The following ACTN2 variants were observed in gnomAD, a reference collection of about 807,000 sequenced individuals.
ACTN2 encodes actinin alpha 2.
In ACTN2, 39 loss-of-function variants were observed where a neutral mutation model predicts 113.8. The ratio of observed to expected loss-of-function variants is 0.34; its 90% confidence interval spans 0.27 to 0.45. ACTN2 has a LOEUF of 0.45. ACTN2 is among the 20% of genes least tolerant of loss of function. ACTN2 has a pLI of 1.00. For synonymous variants in ACTN2, 429 were observed against 444.1 expected (o/e 0.97, Z 0.43); for missense variants, 992 against 1,177.9 (o/e 0.84, Z 2.31).
chr1:236,707,553 G>A (rs1657863480), intron 1 of ACTN2, among the ~76,000 whole-genome samples: 3 of 152,058 alleles, frequency 2.0e-5, no homozygotes, highest in South Asian at 2.1e-4. Flanking sequence ...TGGAATTGCC[G>A]TCGCTGATTG....
chr1:236,748,792 C>T (rs1659308918), intron 13 of ACTN2, among the ~76,000 whole-genome samples: 1 of 152,182 alleles, frequency 6.6e-6, no homozygotes, highest in Non-Finnish European at 1.5e-5. Flanking sequence ...ATCAGGTCCT[C>T]TTATAAAGTC....
At position 236,759,746 on chromosome 1, in the gene ACTN2, A is replaced by G. The variant is rs147616930; in HGVS notation, c.2324A>G (p.His775Arg). The G allele has an allele frequency of 6.2e-7, 1 of 1,614,140 alleles. No individual in the cohort carries two copies. The highest frequency in any genetic ancestry group is 8.5e-7 in the Non-Finnish European group (1 of 1,179,980). Residue 775 changes from histidine (H) to arginine (R), a missense_variant, in exon 19 of 21, where the codon CAT (histidine) becomes CGT (arginine). Around this residue, in one of 3 missense-constraint regions of ACTN2, gnomAD observed 736 missense variants for 815.4 expected, o/e 0.90. Transcript: ENST00000366578. ...FDRRKNGLMD[H>R]EDFRACLISM... ...CAGAGGAAGAATGGCCTGATGGATC[A>G]TGAGGATTTCAGAGCCTGCCTGATT...
intron 12 of ACTN2, among the ~76,000 whole-genome samples, chr1:236,746,455 C>T (rs1659241431): frequency 6.6e-6 from 1 of 152,028 alleles, no homozygotes; most frequent in South Asian, 2.1e-4. Context: ...TACCTGTAAT[C>T]CTTGTACTTT....
chr1:236,725,251 T>C (rs1366038474), intron 4 of ACTN2, among the ~76,000 whole-genome samples: 3 of 152,164 alleles, frequency 2.0e-5, no homozygotes, highest in Non-Finnish European at 4.4e-5. Flanking sequence ...CAGCCTCCTT[T>C]TCAAATTGGA....
intron 1 of ACTN2, among the ~76,000 whole-genome samples, chr1:236,692,873 C>T (rs970535033): frequency 6.6e-6 from 1 of 152,074 alleles, no homozygotes; most frequent in African/African-American, 2.4e-5. Flanking sequence ...CAGAAAGCAC[C>T]GCAGTCGGTT....
rs1357678813 is a variant in ACTN2 at position 236,755,026 on chromosome 1, C to T, written c.1982C>T (p.Ala661Val). The T allele has an allele frequency of 6.2e-7, 1 of 1,614,056 alleles. No individual in the cohort carries two copies. The highest frequency in any genetic ancestry group is 1.3e-5 in the African/African-American group (1 of 74,930). ...PWIQNKMEEI[A>V]RSSIQITGAL... is the part of the protein sequence containing the mutation. ...CTCACTCGCCCCCCTCAGGAGATTG[C>T]CCGGAGCTCCATCCAGATCACAGGA... The change falls in exon 17 of 21, where the codon GCC becomes GTC. Residue 661 changes from alanine to valine, a missense_variant. By Grantham distance (64) the Ala-to-Val change is moderately conservative (BLOSUM62 0). Transcript: ENST00000366578.
intron 8 of ACTN2, 39 bp downstream of exon 8, chr1:236,735,759 TC>T: frequency 6.4e-7 from 1 of 1,573,206 alleles, no homozygotes; most frequent in East Asian, 2.2e-5. Context: ...TGTGTTACTC[TC>T]TGTTGGTTTT....
At chr1:236,744,341 A>G (rs1048794320) in intron 11 of ACTN2, among the ~76,000 whole-genome samples, 17 of 152,336 alleles carry the variant, frequency 1.1e-4, no homozygotes, top group Non-Finnish European at 2.2e-4. Flanking sequence ...GTGACTTAGA[A>G]TGATGAAGAC....
At chr1:236,721,278 A>G (rs1189447668) in intron 4 of ACTN2, among the ~76,000 whole-genome samples, 2 of 151,750 alleles carry the variant, frequency 1.3e-5, no homozygotes, top group Admixed American at 6.6e-5. Flanking sequence ...CGCCCGCCTC[A>G]GCCTCCCAAA....
chr1:236,722,702 G>T (rs967556485), intron 4 of ACTN2, among the ~76,000 whole-genome samples: 11 of 151,840 alleles, frequency 7.2e-5, no homozygotes, highest in Admixed American at 2.6e-4. Flanking sequence ...CAGTGCAGAT[G>T]TAAGTAGATG....
Position 236,762,648 on chromosome 1 carries a change from T to C in ACTN2, c.*29T>C. The C allele has an allele frequency of 3.7e-6, 6 of 1,610,446 alleles. No individual in the cohort carries two copies. The highest frequency in any genetic ancestry group is 5.1e-6 in the Non-Finnish European group (6 of 1,178,430). ...TGAGCTTCTGTAATCACTCATCCCATCAGAATGCAATAAAAGCGGAAGTCA... is the reference window on the plus strand; with the variant it reads ...TGAGCTTCTGTAATCACTCATCCCACCAGAATGCAATAAAAGCGGAAGTCA... On this transcript the variant is annotated 3_prime_UTR_variant, in exon 21 of 21. Transcript: ENST00000366578.
intron 19 of ACTN2, 108 bp downstream of exon 19, chr1:236,759,897 C>G: frequency 1.0e-6 from 1 of 991,866 alleles, no homozygotes. Context: ...GGGATTGGTT[C>G]GTTTTCATTA....
intron 19 of ACTN2, among the ~76,000 whole-genome samples, chr1:236,760,011 C>T (rs777398578): frequency 3.9e-5 from 6 of 152,076 alleles, no homozygotes; most frequent in Non-Finnish European, 7.4e-5. Flanking sequence ...TTTGGGAGGC[C>T]GAGGCGGATG....
At chr1:236,709,259 C>T (rs867168003) in intron 1 of ACTN2, among the ~76,000 whole-genome samples, 3,951 of 109,860 alleles carry the variant, frequency 0.036, 271 homozygotes, top group African/African-American at 0.14. Flanking sequence ...TATATATACA[C>T]ACACACACAC....
chr1:236,717,176 G>A (rs1658243791), intron 1 of ACTN2, among the ~76,000 whole-genome samples: 1 of 151,872 alleles, frequency 6.6e-6, no homozygotes, highest in Non-Finnish European at 1.5e-5. Context: ...GGGCATGGTG[G>A]CTCATGCCTG....
At chr1:236,728,835 A>G (rs1658636950) in intron 6 of ACTN2, among the ~76,000 whole-genome samples, 3 of 152,100 alleles carry the variant, frequency 2.0e-5, no homozygotes, top group Non-Finnish European at 2.9e-5. Context: ...TTGAGGCTGC[A>G]GTGGACTGTG....
Position 236,697,946 on chromosome 1 carries a change from T to TA in ACTN2, c.126+11147_126+11148insA, listed in dbSNP as rs199563258. Among the ~76,000 whole-genome samples the TA allele has an allele frequency of 5.7e-3, 858 of 150,012 alleles. 9 individuals are homozygous for TA. The highest frequency in any genetic ancestry group is 0.019 in the African/African-American group (792 of 41,008). ...GGCTAATTTTCGTATTTTTTTTTTT[T>TA]TTTTTTTAGCAGAGACAAGGTTTCA... is the stretch of plus-strand genomic sequence containing the variant. On this transcript the variant is annotated intron_variant, in intron 1 of 20. Coordinates refer to ENST00000366578, the MANE Select transcript of ACTN2 (RefSeq NM_001103.4).
chr1:236,732,297 G>A (rs1195475459), intron 7 of ACTN2, among the ~76,000 whole-genome samples: 1 of 152,102 alleles, frequency 6.6e-6, no homozygotes, highest in Non-Finnish European at 1.5e-5. Context: ...TCTAGGGGAG[G>A]ATTCTTCCTC....
chr1:236,707,596 GT>G, intron 1 of ACTN2, among the ~76,000 whole-genome samples: 1 of 151,470 alleles, frequency 6.6e-6, no homozygotes, highest in African/African-American at 2.4e-5. Context: ...ACATAGAAAT[GT>G]TTCCTAGTCG....
Sources: gnomAD v4.1 joint callset for allele counts (sites outside exome capture counted in the v4.1 genomes callset) on GRCh38, gnomAD v4.1.1 for gene constraint, gnomAD v4.1.1 regional missense constraint, MANE v1.5 for transcripts, NCBI Gene and HGNC (gene_info 2026-07-23, HGNC 2026-07-21) for gene names.